The following CHURC1 variants were observed in gnomAD, a reference collection of about 807,000 sequenced individuals.
CHURC1 encodes the protein churchill domain containing 1.
In CHURC1, 12 loss-of-function variants were observed where a neutral mutation model predicts 15.4. The observed-to-expected ratio is 0.78, with a 90% CI of 0.50 to 1.27. The LOEUF (loss-of-function observed/expected upper bound fraction) is 1.27. Among genes scored for constraint, CHURC1 ranks in the 50% most tolerant of loss-of-function variants. The probability of loss-of-function intolerance (pLI) is 0.00; values close to 1 mark genes in which losing one functional copy is unlikely to be tolerated. For missense variants in CHURC1, 132 were observed against 137.8 expected (o/e 0.96, Z 0.21); for synonymous variants, 42 against 47.5 (o/e 0.88, Z 0.48).
chr14:64,927,205 G>A (rs1387948895), intron 3 of CHURC1, among the ~76,000 whole-genome samples: 2 of 152,060 alleles, frequency 1.3e-5, no homozygotes, highest in African/African-American at 2.4e-5. Flanking sequence ...GTCAGAGTCT[G>A]GTCTGATATG....
intron 3 of CHURC1, chr14:64,930,757 T>C: frequency 9.2e-6 from 4 of 435,528 alleles, no homozygotes; most frequent in South Asian, 5.0e-5. Flanking sequence ...ACATTTTCTC[T>C]TTTTGACTCT....
intron 3 of CHURC1, among the ~76,000 whole-genome samples, chr14:64,927,715 C>CT (rs1884809666): frequency 3.3e-5 from 2 of 61,028 alleles, no homozygotes; most frequent in Admixed American, 1.5e-4. Context: ...CTTCTCCCCC[C>CT]ACCCCCCCCC....
chr14:64,926,579 G>A (rs753982503), intron 3 of CHURC1, among the ~76,000 whole-genome samples: 1 of 152,196 alleles, frequency 6.6e-6, no homozygotes, highest in Non-Finnish European at 1.5e-5. Flanking sequence ...GGGCTTTTAA[G>A]TGGTGTCCTG....
intron 3 of CHURC1, among the ~76,000 whole-genome samples, chr14:64,926,492 A>G (rs1884709438): frequency 6.6e-6 from 1 of 152,238 alleles, no homozygotes; most frequent in Non-Finnish European, 1.5e-5. Context: ...TATAAAGAAT[A>G]GTAGCACATT....
At chr14:64,914,683 G>A in intron 1 of CHURC1, 149 bp downstream of exon 1, 3 of 1,459,264 alleles carry the variant, frequency 2.1e-6, no homozygotes, top group Non-Finnish European at 1.8e-6. Context: ...GCACACCAGG[G>A]ATGGCCTGTG....
chr14:64,927,896 C>A (rs1257050436), intron 3 of CHURC1, among the ~76,000 whole-genome samples: 1 of 152,004 alleles, frequency 6.6e-6, no homozygotes, highest in Non-Finnish European at 1.5e-5. Context: ...CATAGTGAGA[C>A]CCTGTCTCTA....
At chr14:64,932,042 T>A (rs973418583) in intron 3 of CHURC1, 96 bp from the exon 4 acceptor site, 1 of 1,456,330 alleles carries the variant, frequency 6.9e-7, no homozygotes, top group Non-Finnish European at 9.2e-7. Context: ...GAAAGAATAT[T>A]CATGACAATT....
chr14:64,932,105 C>A, intron 3 of CHURC1, 33 bp from the exon 4 acceptor site: 1 of 1,592,142 alleles, frequency 6.3e-7, no homozygotes, highest in South Asian at 1.1e-5. Context: ...TTCCCTGTTC[C>A]TCTAGGTAAT....
intron 3 of CHURC1, among the ~76,000 whole-genome samples, chr14:64,928,988 A>G (rs1272122956): frequency 2.0e-5 from 3 of 151,818 alleles, no homozygotes; most frequent in African/African-American, 7.3e-5. Context: ...CTTCGTGCCT[A>G]CACCCCTCAT....
intron 1 of CHURC1, among the ~76,000 whole-genome samples, chr14:64,915,083 C>T (rs1317090224): frequency 6.6e-6 from 1 of 152,210 alleles, no homozygotes; most frequent in East Asian, 1.9e-4. Context: ...GTTTGCAAAG[C>T]TTGTCTATTC....
At chr14:64,915,909 C>T (rs1414642150) in intron 1 of CHURC1, among the ~76,000 whole-genome samples, 2 of 152,156 alleles carry the variant, frequency 1.3e-5, no homozygotes, top group African/African-American at 4.8e-5. Flanking sequence ...TAGTTCTCTA[C>T]CAGGAGTGAT....
At chr14:64,924,166 G>T in intron 2 of CHURC1, 40 bp downstream of exon 2, 2 of 1,569,076 alleles carry the variant, frequency 1.3e-6, no homozygotes, top group Non-Finnish European at 8.7e-7. Flanking sequence ...GTGTTAGCAG[G>T]TGTCAGCTTT....
At chr14:64,919,479 T>C (rs2139883551) in intron 1 of CHURC1, among the ~76,000 whole-genome samples, 1 of 152,358 alleles carries the variant, frequency 6.6e-6, no homozygotes, top group Middle Eastern at 3.4e-3. Flanking sequence ...AAAACAGTTG[T>C]ATGTAAGAGT....
In CHURC1 at chr14:64,934,875, A is replaced by T; in HGVS notation, c.*2645A>T. 1 of 984,492 alleles carries T rather than the reference A, an allele frequency of 1.0e-6. No individual in the cohort carries two copies. The highest frequency in any genetic ancestry group is 1.2e-6 in the Non-Finnish European group (1 of 829,064). 61.0% of individuals were successfully genotyped at this position (984,492 alleles called of 1,614,324 possible). A position where few individuals can be genotyped will look rare whatever the true frequency, so the allele number is the denominator to read the frequency against. On this transcript the variant is annotated 3_prime_UTR_variant, in exon 4 of 4. Coordinates refer to ENST00000549115, the MANE Select transcript of CHURC1 (RefSeq NM_001386928.1). ...TTGGACTATATGTTACAAAAATTTA[A>T]AACATAAGATCCTCTCTCTATATTT...
chr14:64,917,113 C>T (rs1594888189), intron 1 of CHURC1, among the ~76,000 whole-genome samples: 1 of 152,144 alleles, frequency 6.6e-6, no homozygotes, highest in East Asian at 1.9e-4. Flanking sequence ...GTGGTGTAGG[C>T]ATGAGATAAT....
chr14:64,927,587 C>G (rs961368915), intron 3 of CHURC1, among the ~76,000 whole-genome samples: 2 of 151,854 alleles, frequency 1.3e-5, no homozygotes, highest in Non-Finnish European at 2.9e-5. Context: ...CAAAGCTGCC[C>G]TGGAAATTAC....
At chr14:64,923,003 G>T (rs1398280440) in intron 1 of CHURC1, among the ~76,000 whole-genome samples, 5 of 152,170 alleles carry the variant, frequency 3.3e-5, no homozygotes, top group Non-Finnish European at 7.3e-5. Context: ...AGACACAGAT[G>T]CACTGGAGAA....
intron 1 of CHURC1, among the ~76,000 whole-genome samples, chr14:64,921,215 C>T (rs1884272391): frequency 6.6e-6 from 1 of 152,008 alleles, no homozygotes; most frequent in Non-Finnish European, 1.5e-5. Context: ...GGATTATAAA[C>T]CTAAATCTAC....
chr14:64,930,924 A>G (rs1885045543), intron 3 of CHURC1: 1 of 445,494 alleles, frequency 2.2e-6, no homozygotes, highest in South Asian at 1.6e-5. Context: ...TTCCACTGCC[A>G]CAACTAAGCT....
Sources: allele counts gnomAD v4.1 joint callset (sites outside exome capture counted in the v4.1 genomes callset), GRCh38; gene constraint gnomAD v4.1.1; transcripts MANE v1.5; gene names NCBI Gene and HGNC (gene_info 2026-07-23, HGNC 2026-07-21).